SLC25A31: variants seen among roughly 807,000 people sequenced by gnomAD.
SLC25A31 encodes ADP/ATP translocase 4.
A neutral mutation model predicts 36.2 loss-of-function variants in SLC25A31; 40 were observed. The observed-to-expected ratio is 1.10, with a 90% CI of 0.86 to 1.44. The LOEUF (loss-of-function observed/expected upper bound fraction) is 1.44. Ranked by LOEUF, SLC25A31 falls within the 40% of genes most tolerant of loss-of-function variation. The pLI, the probability that SLC25A31 is intolerant of heterozygous loss-of-function variation, is 0.00. For missense variants in SLC25A31, 350 were observed against 397.1 expected (o/e 0.88, Z 1.01); for synonymous variants, 143 against 149.7 (o/e 0.96, Z 0.32).
chr4:127,734,207 G>A (rs2148751942), intron 1 of SLC25A31, among the ~76,000 whole-genome samples: 1 of 152,254 alleles, frequency 6.6e-6, no homozygotes, highest in Non-Finnish European at 1.5e-5. Flanking sequence ...ATATACATAT[G>A]TAAATATGTG....
chr4:127,732,155 T>C (rs1731538699), intron 1 of SLC25A31, among the ~76,000 whole-genome samples: 1 of 152,142 alleles, frequency 6.6e-6, no homozygotes, highest in Admixed American at 6.5e-5. Flanking sequence ...TAAAAAGAAA[T>C]AGACATTTAT....
At chr4:127,752,823 C>G (rs1731961080) in intron 2 of SLC25A31, among the ~76,000 whole-genome samples, 1 of 152,130 alleles carries the variant, frequency 6.6e-6, no homozygotes, top group Non-Finnish European at 1.5e-5. Context: ...ACTGCACTTT[C>G]AACAATGGGC....
chr4:127,766,426 A>G (rs1448927859), intron 3 of SLC25A31, among the ~76,000 whole-genome samples: 1 of 151,424 alleles, frequency 6.6e-6, no homozygotes, highest in Non-Finnish European at 1.5e-5. Context: ...TCAGCCTCCC[A>G]AAGTGCTGGG....
chr4:127,741,979 C>G (rs972482419), intron 1 of SLC25A31, among the ~76,000 whole-genome samples: 2 of 152,000 alleles, frequency 1.3e-5, no homozygotes, highest in African/African-American at 4.8e-5. Flanking sequence ...AATGTCTTTT[C>G]TTTCACTTAT....
intron 2 of SLC25A31, among the ~76,000 whole-genome samples, chr4:127,745,291 T>C (rs988551769): frequency 1.5e-5 from 2 of 133,284 alleles, no homozygotes; most frequent in Non-Finnish European, 3.1e-5. Context: ...AGAGAATTCT[T>C]TTTATTGCAA....
chr4:127,742,667 A>G (rs193238761), intron 1 of SLC25A31, among the ~76,000 whole-genome samples: 196 of 152,252 alleles, frequency 1.3e-3, no homozygotes, highest in African/African-American at 4.5e-3. Context: ...AATTTTTATT[A>G]TCTCTCTCCT....
In SLC25A31 at chr4:127,744,730, A is replaced by G; in HGVS notation, c.291A>G (p.Gln97=). The change falls in exon 2 of 6, where the codon CAA becomes CAG. Residue 97 remains glutamine (Q), a synonymous_variant. Transcript: ENST00000281154. ...LANVIRYFPT[Q]ALNFAFKDKY... ...ATGTTATTCGGTATTTTCCAACACA[A>G]GCTCTAAACTTTGCTTTTAAGGACA... 1 of 1,604,002 alleles carries G rather than the reference A, an allele frequency of 6.2e-7. No individual in the cohort carries two copies. Among genetic ancestry groups the G allele is most frequent in the Non-Finnish European group, 8.5e-7 (1 of 1,174,314 alleles).
intron 2 of SLC25A31, among the ~76,000 whole-genome samples, chr4:127,761,006 ACT>A (rs202164839): frequency 3.3e-5 from 1 of 30,394 alleles, no homozygotes; most frequent in East Asian, 5.0e-4. Context: ...ACTCACTTAT[ACT>A]TATATACATA....
At chr4:127,757,669 A>G (rs529328539) in intron 2 of SLC25A31, among the ~76,000 whole-genome samples, 1 of 152,318 alleles carries the variant, frequency 6.6e-6, no homozygotes, top group Non-Finnish European at 1.5e-5. Flanking sequence ...AGGATGGCAT[A>G]GTAGTTCTAT....
At chr4:127,772,208 G>T (rs1289768107) in intron 5 of SLC25A31, among the ~76,000 whole-genome samples, 1 of 152,110 alleles carries the variant, frequency 6.6e-6, no homozygotes, top group Non-Finnish European at 1.5e-5. Context: ...TGGACATGTG[G>T]TTTTCTTTAT....
chr4:127,731,403 A>C (rs1298630265), intron 1 of SLC25A31, among the ~76,000 whole-genome samples: 1 of 151,850 alleles, frequency 6.6e-6, no homozygotes, highest in African/African-American at 2.4e-5. Context: ...TCAGTCATCA[A>C]GATAAAAAGT....
intron 1 of SLC25A31, among the ~76,000 whole-genome samples, chr4:127,737,438 G>A (rs1201384466): frequency 6.6e-6 from 1 of 152,070 alleles, no homozygotes; most frequent in East Asian, 1.9e-4. Flanking sequence ...AACCTCTTTA[G>A]TCATAAATCT....
In SLC25A31 at chr4:127,730,687, C is replaced by T. The variant is rs780000209; in HGVS notation, c.142C>T (p.Leu48=). 14 of 1,613,820 alleles carry T rather than the reference C, an allele frequency of 8.7e-6. No homozygotes were observed. The Admixed American group carries it at 2.3e-4, about 27-fold the overall frequency. The change falls in exon 1 of 6, where the codon CTG becomes TTG. Residue 48 remains leucine (L), a synonymous_variant. Transcript: ENST00000281154. ...VAPIERVKLL[L]QVQASSKQIS... is the part of the protein sequence containing the mutation. ...GCCCATCGAGCGGGTGAAGCTGCTGCTGCAGGTGCAGGCGTCGTCGAAGCA... is the reference window on the plus strand; with the variant it reads ...GCCCATCGAGCGGGTGAAGCTGCTGTTGCAGGTGCAGGCGTCGTCGAAGCA...
intron 2 of SLC25A31, among the ~76,000 whole-genome samples, chr4:127,755,888 C>T (rs1390508374): frequency 6.6e-6 from 1 of 152,142 alleles, no homozygotes; most frequent in African/African-American, 2.4e-5. Context: ...CAAAAATTAG[C>T]TGAGCGTGGT....
chr4:127,752,433 G>T (rs1345813211), intron 2 of SLC25A31, among the ~76,000 whole-genome samples: 2 of 152,040 alleles, frequency 1.3e-5, no homozygotes, highest in Non-Finnish European at 2.9e-5. Flanking sequence ...GTAGGGGGAG[G>T]GGGGAGGATA....
chr4:127,765,677 A>C (rs1732227524), intron 3 of SLC25A31, among the ~76,000 whole-genome samples: 1 of 152,182 alleles, frequency 6.6e-6, no homozygotes, highest in African/African-American at 2.4e-5. Flanking sequence ...GACACAAGTA[A>C]TAATAAATGA....
rs760931440 is a variant in SLC25A31, at chr4:127,730,504, C to T, written c.-42C>T. On this transcript the variant is annotated 5_prime_UTR_variant, in exon 1 of 6. Coordinates refer to ENST00000281154, the MANE Select transcript of SLC25A31 (RefSeq NM_031291.4). Reference sequence around the variant, plus strand: ...TTCCCTTCATCGTAGCTCCCGTACTCATTTTTAGCCACTGCTGCCGGTTTT... The same window carrying T: ...TTCCCTTCATCGTAGCTCCCGTACTTATTTTTAGCCACTGCTGCCGGTTTT... 1 of 1,589,784 alleles carries T rather than the reference C, an allele frequency of 6.3e-7. No individual in the cohort carries two copies. The highest frequency in any genetic ancestry group is 1.1e-5 in the South Asian group (1 of 89,998).
At chr4:127,732,721 A>C (rs917527815) in intron 1 of SLC25A31, among the ~76,000 whole-genome samples, 1 of 152,234 alleles carries the variant, frequency 6.6e-6, no homozygotes. Context: ...TGAGAGGATC[A>C]TAAGTAGAAC....
rs554690935 is a variant in SLC25A31, at chr4:127,770,234, C to T, written c.759+1357C>T. ...TTTTAAAATGGAAAATTAATTTGCA[C>T]GTAGACTATGGATTGGGTCAGTGGT... On this transcript the variant is annotated intron_variant, in intron 5 of 5. Coordinates refer to ENST00000281154, the MANE Select transcript of SLC25A31 (RefSeq NM_031291.4). Among the ~76,000 whole-genome samples, 11 of 152,228 alleles carry T rather than the reference C, an allele frequency of 7.2e-5. No homozygotes were observed. In the East Asian group the frequency reaches 1.2e-3, roughly 16 times the overall value.
Sources: gnomAD v4.1 joint callset for allele counts (sites outside exome capture counted in the v4.1 genomes callset) on GRCh38, gnomAD v4.1.1 for gene constraint, MANE v1.5 for transcripts, NCBI Gene and HGNC (gene_info 2026-07-23, HGNC 2026-07-21) for gene names.